The following NXN variants were observed in gnomAD, a reference collection of about 807,000 sequenced individuals.
The protein encoded by NXN is nucleoredoxin 1.
In NXN, 16 loss-of-function variants were observed where a neutral mutation model predicts 48.6. The ratio of observed to expected loss-of-function variants is 0.33; its 90% confidence interval spans 0.22 to 0.50. The LOEUF is 0.50. Among genes scored for constraint, NXN ranks in the 20% least tolerant of loss-of-function variants. The pLI, the probability that NXN is intolerant of heterozygous loss-of-function variation, is 0.98. For missense variants in NXN, 492 were observed against 605.5 expected, an observed-to-expected ratio of 0.81 and a Z score of 1.97; for synonymous variants, 281 against 269.6, an observed-to-expected ratio of 1.04 and a Z score of -0.41.
chr17:967,198 T>C (rs897974350), intron 1 of NXN, among the ~76,000 whole-genome samples: 1 of 152,120 alleles, frequency 6.6e-6, no homozygotes, highest in Non-Finnish European at 1.5e-5. Flanking sequence ...GGCTTGGCCC[T>C]TTGGTATTTA....
intron 1 of NXN, among the ~76,000 whole-genome samples, chr17:833,704 A>G (rs1350822774): frequency 6.6e-6 from 1 of 152,148 alleles, no homozygotes; most frequent in Non-Finnish European, 1.5e-5. Context: ...TGATCACGGG[A>G]GGTCTACAGA....
At chr17:955,656 G>A (rs1268510175) in intron 1 of NXN, among the ~76,000 whole-genome samples, 1 of 149,836 alleles carries the variant, frequency 6.7e-6, no homozygotes, top group African/African-American at 2.5e-5. Flanking sequence ...CAGCACCTCG[G>A]GAGGCCGAGG....
Position 902,635 on chromosome 17 carries a change from G to A in NXN, c.361-76557C>T, listed in dbSNP as rs75835762. ...AACCTGTTTACGAAGGAGACGTGAG[G>A]AAAAAAGGTAAGAGTCACACAGAAC... On this transcript the variant is annotated intron_variant, in intron 1 of 7. Transcript: ENST00000336868. 2.7e-4 allele frequency among the ~76,000 whole-genome samples: 41 copies of A among 151,984 alleles called. No homozygotes were observed. The East Asian group carries it at 7.9e-3, about 29-fold the overall frequency.
At chr17:890,556 T>G (rs2068405444) in intron 1 of NXN, among the ~76,000 whole-genome samples, 1 of 150,720 alleles carries the variant, frequency 6.6e-6, no homozygotes, top group African/African-American at 2.5e-5. Context: ...TTGTATTTTT[T>G]TTTTTAGTAG....
At chr17:883,705 C>T (rs1347748991) in intron 1 of NXN, among the ~76,000 whole-genome samples, 1 of 152,222 alleles carries the variant, frequency 6.6e-6, no homozygotes, top group African/African-American at 2.4e-5. Flanking sequence ...ACAGAAGCCA[C>T]GGGGCAGGAC....
At chr17:816,693 G>C (rs1329942878) in intron 5 of NXN, among the ~76,000 whole-genome samples, 1 of 152,148 alleles carries the variant, frequency 6.6e-6, no homozygotes, top group Non-Finnish European at 1.5e-5. Context: ...ACCTGTATCT[G>C]TTTTATTCAA....
intron 1 of NXN, among the ~76,000 whole-genome samples, chr17:942,212 A>C (rs1200857433): frequency 3.5e-5 from 5 of 140,872 alleles, no homozygotes; most frequent in East Asian, 2.1e-4. Flanking sequence ...CCCTGGATTT[A>C]CAGTGAACAA....
At chr17:805,025 C>CA in intron 6 of NXN, 43 bp downstream of exon 6, 1 of 1,518,718 alleles carries the variant, frequency 6.6e-7, no homozygotes, top group Non-Finnish European at 8.9e-7. Context: ...TCCTGTCCCG[C>CA]CCCCCAGCCA....
At chr17:817,877 T>C (rs1912570327) in intron 5 of NXN, among the ~76,000 whole-genome samples, 1 of 152,102 alleles carries the variant, frequency 6.6e-6, no homozygotes, top group South Asian at 2.1e-4. Flanking sequence ...AGTTACCTGC[T>C]TTGTGAAGAG....
intron 1 of NXN, among the ~76,000 whole-genome samples, chr17:950,450 G>T (rs1944263178): frequency 6.6e-6 from 1 of 151,222 alleles, no homozygotes; most frequent in South Asian, 2.1e-4. Context: ...GGTTTTCAGG[G>T]GTGTGTGGGG....
chr17:842,486 G>A, intron 1 of NXN: 2 of 984,772 alleles, frequency 2.0e-6, no homozygotes, highest in Non-Finnish European at 1.2e-6. Context: ...TGGGGAGGAT[G>A]AAGGATGAAC....
chr17:969,012 T>A (rs1393965892), intron 1 of NXN, among the ~76,000 whole-genome samples: 1 of 152,002 alleles, frequency 6.6e-6, no homozygotes, highest in Admixed American at 6.6e-5. Context: ...AACCAGGTTC[T>A]GTGATAGTCT....
At chr17:938,150 AAT>A (rs150328500) in intron 1 of NXN, among the ~76,000 whole-genome samples, 5,750 of 152,350 alleles carry the variant, frequency 0.038, 252 homozygotes, top group African/African-American at 0.1. Context: ...GAACCCTGTG[AAT>A]ATGCCTATTC....
intron 5 of NXN, among the ~76,000 whole-genome samples, chr17:812,060 T>C (rs1427488991): frequency 6.6e-6 from 1 of 150,666 alleles, no homozygotes; most frequent in Non-Finnish European, 1.5e-5. Context: ...CCCGAGTAGC[T>C]GGGACTACAG....
intron 6 of NXN, among the ~76,000 whole-genome samples, chr17:804,634 G>C (rs1415772358): frequency 6.6e-6 from 1 of 152,184 alleles, no homozygotes; most frequent in Non-Finnish European, 1.5e-5. Context: ...AGACGGGGAG[G>C]TGCAAGCGAG....
At chr17:877,100 A>T (rs2068224787) in intron 1 of NXN, among the ~76,000 whole-genome samples, 1 of 151,822 alleles carries the variant, frequency 6.6e-6, no homozygotes, top group Non-Finnish European at 1.5e-5. Context: ...AAAAAAACTA[A>T]TTCTTAATAT....
intron 1 of NXN, among the ~76,000 whole-genome samples, chr17:873,773 A>C (rs1165275172): frequency 6.6e-6 from 1 of 152,162 alleles, no homozygotes; most frequent in African/African-American, 2.4e-5. Flanking sequence ...ATTAAGGAAA[A>C]ATGTTTATGC....
rs1319785229 is a variant in NXN at position 958,515 on chromosome 17, A to G, written c.360+20804T>C. 4.6e-5 allele frequency among the ~76,000 whole-genome samples: 7 copies of G among 152,070 alleles called. No individual in the cohort carries two copies. The highest frequency in any genetic ancestry group is 8.8e-5 in the Non-Finnish European group (6 of 68,014). On this transcript the variant is annotated intron_variant, in intron 1 of 7. Transcript: ENST00000336868. This position sits in a 1 kb window ranked among gnomAD's most constrained non-coding sequence, Gnocchi z 6.9. The stretch of plus-strand genomic sequence containing the variant: ...TAATCTTAAAAATTAGCTCACTCCT[A>G]TCATCCCAGCACTTTGGGAGGCCGA...
At chr17:838,390 C>T (rs533286013) in intron 1 of NXN, among the ~76,000 whole-genome samples, 2 of 152,196 alleles carry the variant, frequency 1.3e-5, no homozygotes, top group Admixed American at 6.5e-5. Context: ...CCTCGGCCTC[C>T]CCAGAAGCTG....
Sources: allele counts gnomAD v4.1 joint callset (sites outside exome capture counted in the v4.1 genomes callset), GRCh38; gene constraint gnomAD v4.1.1; non-coding constraint Gnocchi (gnomAD v3.1); transcripts MANE v1.5; gene names NCBI Gene and HGNC (gene_info 2026-07-23, HGNC 2026-07-21).